RSRC1: variants seen among roughly 807,000 people sequenced by gnomAD.
RSRC1 encodes the protein serine/Arginine-related protein 53.
In RSRC1, 39 loss-of-function variants were observed where a neutral mutation model predicts 49.1. That is an observed-to-expected ratio of 0.79 (90% confidence interval 0.61 to 1.04). The LOEUF is 1.04. RSRC1 is among the 50% of genes least tolerant of loss of function. The probability of loss-of-function intolerance (pLI) is 0.00; values close to 1 mark genes in which losing one functional copy is unlikely to be tolerated. For synonymous variants in RSRC1, 143 were observed against 130.8 expected (o/e 1.09, Z -0.63); for missense variants, 388 against 402.4 (o/e 0.96, Z 0.31).
intron 8 of RSRC1, 101 bp downstream of exon 8, chr3:158,537,299 A>AG (rs1157434673): frequency 1.5e-6 from 1 of 650,178 alleles, no homozygotes; most frequent in African/African-American, 1.9e-5. Flanking sequence ...TAATAGATGA[A>AG]GTGAAGCAAG....
chr3:158,512,505 T>C (rs1330476412), intron 7 of RSRC1, among the ~76,000 whole-genome samples: 2 of 152,244 alleles, frequency 1.3e-5, no homozygotes, highest in Non-Finnish European at 2.9e-5. Context: ...CCATGCTGTT[T>C]TGTTTACTGT....
At chr3:158,162,610 C>T (rs1312308677) in intron 3 of RSRC1, among the ~76,000 whole-genome samples, 1 of 152,054 alleles carries the variant, frequency 6.6e-6, no homozygotes, top group African/African-American at 2.4e-5. Context: ...ATATTATTAC[C>T]TGTAAGGAAC....
At chr3:158,119,162 A>G (rs373017552) in intron 1 of RSRC1, among the ~76,000 whole-genome samples, 1 of 152,058 alleles carries the variant, frequency 6.6e-6, no homozygotes, top group Non-Finnish European at 1.5e-5. Context: ...CATAAATTCA[A>G]TCAATTTTTT....
rs555891902 is a variant in RSRC1 at position 158,328,302 on chromosome 3, T to G, written c.532-26555T>G. On this transcript the variant is annotated intron_variant, in intron 5 of 9. Transcript: ENST00000611884. ...GATGTTAGCTGCTTATTTTGCTGATTAGTTGATGCAGTTTCTTCCTAGCAT... is the reference window on the plus strand; with the variant it reads ...GATGTTAGCTGCTTATTTTGCTGATGAGTTGATGCAGTTTCTTCCTAGCAT... Among the ~76,000 whole-genome samples, 11 of 152,332 alleles carry G rather than the reference T, an allele frequency of 7.2e-5. No homozygotes were observed. In the South Asian group the frequency reaches 2.1e-3, roughly 29 times the overall value.
At chr3:158,295,639 T>C (rs566023191) in intron 4 of RSRC1, among the ~76,000 whole-genome samples, 17 of 152,176 alleles carry the variant, frequency 1.1e-4, no homozygotes, top group Non-Finnish European at 1.0e-4. Context: ...CTATGGTTGA[T>C]TACATTTGGT....
intron 6 of RSRC1, among the ~76,000 whole-genome samples, chr3:158,377,437 G>C (rs1476107737): frequency 6.6e-6 from 1 of 152,030 alleles, no homozygotes; most frequent in African/African-American, 2.4e-5. Context: ...TTGTGGTAAC[G>C]AGTGAATTCT....
At chr3:158,402,667 T>C (rs1370863662) in intron 6 of RSRC1, among the ~76,000 whole-genome samples, 1 of 151,880 alleles carries the variant, frequency 6.6e-6, no homozygotes, top group Non-Finnish European at 1.5e-5. Context: ...CCATTTTGTA[T>C]ATTAATAAAC....
At chr3:158,167,816 G>A (rs1308883451) in intron 3 of RSRC1, among the ~76,000 whole-genome samples, 1 of 152,172 alleles carries the variant, frequency 6.6e-6, no homozygotes, top group Non-Finnish European at 1.5e-5. Context: ...GTTTCTTCAA[G>A]CATATGGACA....
intron 6 of RSRC1, among the ~76,000 whole-genome samples, chr3:158,439,364 C>T (rs940814124): frequency 6.6e-6 from 1 of 152,096 alleles, no homozygotes; most frequent in Non-Finnish European, 1.5e-5. Context: ...CACATGCACA[C>T]ATGTGTTTAT....
intron 6 of RSRC1, among the ~76,000 whole-genome samples, chr3:158,367,725 C>A (rs1050237338): frequency 6.6e-6 from 1 of 151,948 alleles, no homozygotes; most frequent in South Asian, 2.1e-4. Flanking sequence ...ATGAATAAAG[C>A]CTTAAATAGT....
At chr3:158,354,813 G>T in intron 5 of RSRC1, 44 bp from the exon 6 acceptor site, 1 of 1,472,388 alleles carries the variant, frequency 6.8e-7, no homozygotes. Flanking sequence ...AAACTGACCT[G>T]TAAAAGTCTT....
At chr3:158,460,831 A>T in intron 6 of RSRC1, 104 bp from the exon 7 acceptor site, 1 of 571,056 alleles carries the variant, frequency 1.8e-6, no homozygotes, top group Non-Finnish European at 2.9e-6. Flanking sequence ...TCTTGTGATT[A>T]CTTCGTGGAA....
intron 6 of RSRC1, among the ~76,000 whole-genome samples, chr3:158,443,973 C>T (rs1235051817): frequency 5.9e-5 from 9 of 152,144 alleles, no homozygotes; most frequent in Admixed American, 2.0e-4. Context: ...AGAAAACACA[C>T]ATACACTTAT....
intron 6 of RSRC1, among the ~76,000 whole-genome samples, chr3:158,424,509 A>G (rs1405081127): frequency 6.7e-6 from 1 of 150,278 alleles, no homozygotes; most frequent in Non-Finnish European, 1.5e-5. Context: ...TTTTGCATCA[A>G]TGTTCATCAA....
At position 158,130,708 on chromosome 3, in the gene RSRC1, C is replaced by T. The variant is rs188721050; in HGVS notation, c.320+6717C>T. On this transcript the variant is annotated intron_variant, in intron 3 of 9. Coordinates refer to ENST00000611884, the MANE Select transcript of RSRC1 (RefSeq NM_001271838.2). Reference sequence around the variant, plus strand: ...CAGATATGGGATTTTCCACTTGTGGCATCATTCTGGCACTCAGAAAGTTTC... The same window carrying T: ...CAGATATGGGATTTTCCACTTGTGGTATCATTCTGGCACTCAGAAAGTTTC... 6.0e-4 allele frequency among the ~76,000 whole-genome samples: 92 copies of T among 152,286 alleles called. 2 individuals are homozygous for T. The highest frequency in any genetic ancestry group is 5.2e-3 in the Admixed American group (80 of 15,296).
intron 7 of RSRC1, among the ~76,000 whole-genome samples, chr3:158,495,403 G>T (rs1472040714): frequency 6.6e-6 from 1 of 152,028 alleles, no homozygotes; most frequent in Admixed American, 6.6e-5. Context: ...TCCCACCTCA[G>T]CCTCCTGAGT....
intron 6 of RSRC1, among the ~76,000 whole-genome samples, chr3:158,386,138 G>A (rs1195518288): frequency 1.3e-5 from 2 of 151,942 alleles, no homozygotes; most frequent in African/African-American, 4.8e-5. Flanking sequence ...GGTATTATAT[G>A]TTTTAGAAAA....
chr3:158,319,768 A>C (rs991938679), intron 5 of RSRC1, among the ~76,000 whole-genome samples: 2 of 152,202 alleles, frequency 1.3e-5, no homozygotes, highest in African/African-American at 4.8e-5. Flanking sequence ...ACTAGAATGC[A>C]TATATGTACA....
chr3:158,361,299 C>T (rs1731457023), intron 6 of RSRC1, among the ~76,000 whole-genome samples: 1 of 152,190 alleles, frequency 6.6e-6, no homozygotes, highest in Non-Finnish European at 1.5e-5. Flanking sequence ...GCACCGCTGG[C>T]CCCCAAAGCA....
Sources: allele counts gnomAD v4.1 joint callset (sites outside exome capture counted in the v4.1 genomes callset), GRCh38; gene constraint gnomAD v4.1.1; transcripts MANE v1.5; gene names NCBI Gene and HGNC (gene_info 2026-07-23, HGNC 2026-07-21).